The following SUGCT variants were observed in gnomAD, a reference collection of about 807,000 sequenced individuals.
SUGCT encodes the protein succinyl-CoA:glutarate CoA-transferase.
A neutral mutation model predicts 55.0 loss-of-function variants in SUGCT; 41 were observed. That is an observed-to-expected ratio of 0.74 (90% CI 0.58 to 0.97). SUGCT has a LOEUF of 0.97. Among genes scored for constraint, SUGCT ranks in the 50% least tolerant of loss-of-function variants. SUGCT has a pLI of 0.00. For synonymous variants in SUGCT, 187 were observed against 200.4 expected, an observed-to-expected ratio of 0.93 and a Z score of 0.56; for missense variants, 568 against 547.8, an observed-to-expected ratio of 1.04 and a Z score of -0.37.
intron 8 of SUGCT, among the ~76,000 whole-genome samples, chr7:40,308,025 A>G (rs1199866175): frequency 1.3e-5 from 2 of 152,138 alleles, no homozygotes; most frequent in Non-Finnish European, 2.9e-5. Flanking sequence ...TCCCCATAAG[A>G]TATTTTGTAG....
chr7:40,511,006 A>G (rs1792896839), intron 12 of SUGCT, among the ~76,000 whole-genome samples: 1 of 152,182 alleles, frequency 6.6e-6, no homozygotes, highest in South Asian at 2.1e-4. Flanking sequence ...GTTTTAAAAG[A>G]TTCTGCAAGG....
chr7:40,544,298 C>T (rs1381416392), intron 12 of SUGCT, among the ~76,000 whole-genome samples: 2 of 152,104 alleles, frequency 1.3e-5, no homozygotes. Flanking sequence ...CTCCAGCATT[C>T]AGCCCACAGA....
At chr7:40,255,485 A>G (rs1790747187) in intron 7 of SUGCT, among the ~76,000 whole-genome samples, 1 of 151,498 alleles carries the variant, frequency 6.6e-6, no homozygotes, top group African/African-American at 2.4e-5. Flanking sequence ...AACATGAGGA[A>G]ACCTCGGCTC....
At chr7:40,449,490 G>A in intron 10 of SUGCT, 132 bp downstream of exon 10, 1 of 648,972 alleles carries the variant, frequency 1.5e-6, no homozygotes, top group Non-Finnish European at 2.8e-6. Flanking sequence ...TGCGCATAAA[G>A]GATAAGGCAG....
At chr7:40,917,188 G>A in the SUGCT span, among the ~76,000 whole-genome samples, 1 of 152,210 alleles carries the variant, frequency 6.6e-6, no homozygotes, top group African/African-American at 2.4e-5. Context: ...AAAAATTCAT[G>A]ACTGTCAACT....
At chr7:40,446,946 C>T (rs968349121) in intron 9 of SUGCT, among the ~76,000 whole-genome samples, 2 of 152,162 alleles carry the variant, frequency 1.3e-5, no homozygotes. Context: ...TTGTTAATAA[C>T]AGGTTTATTG....
intron 9 of SUGCT, among the ~76,000 whole-genome samples, chr7:40,427,968 C>T (rs1787675858): frequency 6.6e-6 from 1 of 152,074 alleles, no homozygotes; most frequent in Non-Finnish European, 1.5e-5. Flanking sequence ...TTCCTCTTAT[C>T]TGTCTGAATG....
chr7:40,590,296 T>C (rs1303180685), intron 12 of SUGCT, among the ~76,000 whole-genome samples: 2 of 152,176 alleles, frequency 1.3e-5, no homozygotes, highest in African/African-American at 4.8e-5. Flanking sequence ...AACCCTATAT[T>C]GGCCTTGAAG....
intron 7 of SUGCT, among the ~76,000 whole-genome samples, chr7:40,248,895 C>G (rs1166961653): frequency 3.2e-5 from 4 of 124,824 alleles, no homozygotes; most frequent in Non-Finnish European, 5.2e-5. Flanking sequence ...CTCGCACACA[C>G]ACACACACAC....
chr7:41,001,496 A>C, the SUGCT span, among the ~76,000 whole-genome samples: 1 of 152,186 alleles, frequency 6.6e-6, no homozygotes, highest in African/African-American at 2.4e-5. Flanking sequence ...GAATGTCTGA[A>C]TTCAGGCTGC....
chr7:40,310,455 G>C (rs906457896), intron 8 of SUGCT, among the ~76,000 whole-genome samples: 1 of 152,106 alleles, frequency 6.6e-6, no homozygotes, highest in African/African-American at 2.4e-5. Flanking sequence ...AATAGAAAAA[G>C]GATATGAAGT....
intron 12 of SUGCT, among the ~76,000 whole-genome samples, chr7:40,682,604 C>A (rs773084919): frequency 1.3e-5 from 2 of 152,138 alleles, no homozygotes; most frequent in Non-Finnish European, 2.9e-5. Context: ...GGGGAGAAAT[C>A]CTCACACATC....
intron 12 of SUGCT, among the ~76,000 whole-genome samples, chr7:40,637,575 A>G (rs1800076241): frequency 6.6e-6 from 1 of 152,230 alleles, no homozygotes; most frequent in Non-Finnish European, 1.5e-5. Context: ...CTACTAGAAC[A>G]CATGGCTCTC....
At position 40,622,208 on chromosome 7, in the gene SUGCT, T is replaced by C. The variant is rs190102349; in HGVS notation, c.1089+125822T>C. On this transcript the variant is annotated intron_variant, in intron 12 of 13. Coordinates refer to ENST00000335693, the MANE Select transcript of SUGCT (RefSeq NM_001193313.2). ...GACGTGTGTCCCTTGGGGCAGGTTT[T>C]TGGAAATCAGTGTGCCAATTAGTGC... Among the ~76,000 whole-genome samples the C allele has an allele frequency of 2.4e-3, 368 of 152,342 alleles. 1 individual carries two copies. Among genetic ancestry groups the C allele is most frequent in the African/African-American group, 8.6e-3 (357 of 41,572 alleles).
chr7:40,482,070 A>G (rs1409172483), intron 11 of SUGCT, among the ~76,000 whole-genome samples: 1 of 152,208 alleles, frequency 6.6e-6, no homozygotes, highest in Non-Finnish European at 1.5e-5. Flanking sequence ...AAAATGATAC[A>G]TATTTAAAAG....
At chr7:40,888,448 C>CA in the SUGCT span, among the ~76,000 whole-genome samples, 4,734 of 124,332 alleles carry the variant, frequency 0.038, 205 homozygotes, top group African/African-American at 0.11. Context: ...AGACTCCATC[C>CA]AAAAAAAAAA....
intron 12 of SUGCT, among the ~76,000 whole-genome samples, chr7:40,744,508 T>C (rs901502433): frequency 6.6e-6 from 1 of 151,680 alleles, no homozygotes; most frequent in African/African-American, 2.4e-5. Flanking sequence ...CAAATAAAGC[T>C]TTTCCATTTT....
intron 9 of SUGCT, among the ~76,000 whole-genome samples, chr7:40,388,447 G>A (rs559919229): frequency 5.7e-4 from 87 of 152,068 alleles, no homozygotes; most frequent in South Asian, 3.5e-3. Context: ...AGACAGTCTC[G>A]CTTTGTCGTC....
chr7:41,031,595 C>T, the SUGCT span, among the ~76,000 whole-genome samples: 14 of 152,166 alleles, frequency 9.2e-5, no homozygotes, highest in Non-Finnish European at 1.8e-4. Flanking sequence ...ACGATCTGAC[C>T]GTTGCCTACC....
Sources: allele counts gnomAD v4.1 joint callset (sites outside exome capture counted in the v4.1 genomes callset), GRCh38; gene constraint gnomAD v4.1.1; transcripts MANE v1.5; gene names NCBI Gene and HGNC (gene_info 2026-07-23, HGNC 2026-07-21).